The following HTT variants were observed in gnomAD, a reference collection of about 807,000 sequenced individuals.
HTT encodes the protein huntington disease protein.
In HTT, 104 loss-of-function variants were observed where a neutral mutation model predicts 362.3. The observed-to-expected ratio is 0.29, with a 90% confidence interval of 0.24 to 0.34. The LOEUF (loss-of-function observed/expected upper bound fraction) is 0.34, where lower values mean the gene tolerates loss of function less well. HTT is among the 10% of genes least tolerant of loss of function. The pLI is 1.00. For missense variants in HTT, 3,301 were observed against 3,928.6 expected (o/e 0.84, Z 4.27); for synonymous variants, 1,577 against 1,548.7 (o/e 1.02, Z -0.43).
At chr4:3,168,379 A>T (rs1352717754) in intron 29 of HTT, among the ~76,000 whole-genome samples, 1 of 152,222 alleles carries the variant, frequency 6.6e-6, no homozygotes, top group Non-Finnish European at 1.5e-5. Context: ...GACGGGTATG[A>T]GCAGGTTTTC....
At chr4:3,080,315 G>A (rs1196293686) in intron 1 of HTT, among the ~76,000 whole-genome samples, 4 of 151,554 alleles carry the variant, frequency 2.6e-5, no homozygotes, top group Admixed American at 2.6e-4. Flanking sequence ...GGCTGGTCTC[G>A]AACTTCTGAC....
chr4:3,127,958 C>T (rs1715601993), intron 12 of HTT, among the ~76,000 whole-genome samples: 1 of 151,134 alleles, frequency 6.6e-6, no homozygotes, highest in Admixed American at 6.6e-5. Context: ...AGCAAGACTC[C>T]ATTTCAAAAA....
intron 8 of HTT, among the ~76,000 whole-genome samples, chr4:3,117,183 T>C (rs956042480): frequency 6.6e-6 from 1 of 152,226 alleles, no homozygotes; most frequent in African/African-American, 2.4e-5. Flanking sequence ...TCCAACCAGC[T>C]GCCCTTTGGT....
intron 33 of HTT, among the ~76,000 whole-genome samples, chr4:3,176,035 G>GTTTTT (rs10690454): frequency 7.1e-6 from 1 of 141,116 alleles, no homozygotes; most frequent in Non-Finnish European, 1.5e-5. Flanking sequence ...GTTTTTTTTT[G>GTTTTT]TTTTTTTTTT....
chr4:3,084,082 G>A (rs1182818133), intron 1 of HTT, among the ~76,000 whole-genome samples: 1 of 152,154 alleles, frequency 6.6e-6, no homozygotes, highest in Non-Finnish European at 1.5e-5. Flanking sequence ...GGTTGCCTGG[G>A]GTTAGAGATG....
chr4:3,142,744 G>T, intron 22 of HTT, 22 bp from the exon 23 acceptor site: 3 of 1,248,216 alleles, frequency 2.4e-6, no homozygotes, highest in Non-Finnish European at 2.3e-6. Context: ...TGTATTTTAA[G>T]TCTCTATATT....
At chr4:3,107,727 G>T (rs1256199536) in intron 6 of HTT, among the ~76,000 whole-genome samples, 1 of 152,208 alleles carries the variant, frequency 6.6e-6, no homozygotes, top group Non-Finnish European at 1.5e-5. Flanking sequence ...CTAGCTGCGG[G>T]AAGATGACTG....
chr4:3,227,954 G>A (rs1720998793), intron 57 of HTT, among the ~76,000 whole-genome samples: 2 of 152,202 alleles, frequency 1.3e-5, no homozygotes. Flanking sequence ...CTTGGCCTGA[G>A]AGCTGTTCAT....
chr4:3,117,679 A>G (rs1715098698), intron 8 of HTT, among the ~76,000 whole-genome samples: 1 of 152,120 alleles, frequency 6.6e-6, no homozygotes, highest in African/African-American at 2.4e-5. Context: ...TCTTAAAGAA[A>G]AAAATCAGCC....
In HTT at chr4:3,238,571, C is replaced by T; in HGVS notation, c.9016C>T (p.Gln3006Ter). 6.2e-7 allele frequency: 1 copy of T among 1,612,486 alleles called. No homozygotes were observed. The highest frequency in any genetic ancestry group is 8.5e-7 in the Non-Finnish European group (1 of 1,179,234). Residue 3006 changes from glutamine to a stop codon, truncating the protein, a stop_gained, in exon 65 of 67, where the codon CAG becomes TAG. Coordinates refer to ENST00000355072, the MANE Select transcript of HTT (RefSeq NM_001388492.1). LOFTEE classifies it high-confidence loss of function. ...KVIGEFLSNQ[Q>*]PYPQFMATVV... ...CATCGGAGAGTTTCTGTCCAACCAG[C>T]AGCCATACCCCCAGTTCATGGCCAC...
chr4:3,210,145 G>A (rs1310105418), intron 47 of HTT, among the ~76,000 whole-genome samples, 196 bp downstream of exon 47: 1 of 152,134 alleles, frequency 6.6e-6, no homozygotes, highest in Non-Finnish European at 1.5e-5. Flanking sequence ...AGATGGGGTC[G>A]GGACATGGGG....
In HTT at chr4:3,136,244, C is replaced by A. The variant is rs1331221657; in HGVS notation, c.2716C>A (p.Arg906=). ...TCTAAAGCTTTTAAAACTGCAAGAACGAGTGCTCAATAATGTTGTCATCCA... is the reference window on the plus strand; with the variant it reads ...TCTAAAGCTTTTAAAACTGCAAGAAAGAGTGCTCAATAATGTTGTCATCCA... ...HYTGLLKLQE[R]VLNNVVIHLL... is the part of the protein sequence containing the mutation. Residue 906 remains arginine, a synonymous_variant, in exon 21 of 67, where the codon CGA becomes AGA. Transcript: ENST00000355072. 2 of 1,609,564 alleles carry A rather than the reference C, an allele frequency of 1.2e-6. No individual in the cohort carries two copies. The highest frequency in any genetic ancestry group is 3.3e-4 in the Middle Eastern group (2 of 6,044).
intron 8 of HTT, among the ~76,000 whole-genome samples, chr4:3,118,667 G>C (rs1247300344): frequency 6.6e-6 from 1 of 152,154 alleles, no homozygotes; most frequent in African/African-American, 2.4e-5. Context: ...TGAACAGATC[G>C]AAACTGTGTT....
At chr4:3,188,192 G>A (rs1718855853) in intron 39 of HTT, 1 of 246,022 alleles carries the variant, frequency 4.1e-6, no homozygotes, top group Non-Finnish European at 7.9e-6. Context: ...GCACGCTGAC[G>A]TCAGGGAAGT....
chr4:3,229,386 C>T (rs1044150501), intron 59 of HTT, among the ~76,000 whole-genome samples: 4 of 149,332 alleles, frequency 2.7e-5, no homozygotes, highest in African/African-American at 1.0e-4. Context: ...GCCACGTGCA[C>T]ACACCCCACA....
At position 3,147,086 on chromosome 4, in the gene HTT, A is replaced by G. The variant is rs899156813; in HGVS notation, c.3295+138A>G. The G allele has an allele frequency of 3.5e-6, 3 of 862,620 alleles. No homozygotes were observed. The Admixed American group carries it at 5.5e-5, about 16-fold the overall frequency. The allele number at this position is 862,620 out of a possible 1,614,324, so 53.4% of individuals were successfully genotyped here. On this transcript the variant is annotated intron_variant, in intron 25 of 66. Transcript: ENST00000355072. ...TGGCTTGTCCCTTTAGTCAAATTTCAGATGTTACCTATATGCATAAACACA... is the reference window on the plus strand; with the variant it reads ...TGGCTTGTCCCTTTAGTCAAATTTCGGATGTTACCTATATGCATAAACACA...
At position 3,118,444 on chromosome 4, in the gene HTT, C is replaced by T. The variant is rs564010556; in HGVS notation, c.1068+2181C>T. 1.6e-4 allele frequency among the ~76,000 whole-genome samples: 25 copies of T among 152,164 alleles called. No individual in the cohort carries two copies. In the South Asian group the frequency reaches 3.3e-3, roughly 20 times the overall value. ...AGTCATGAGCCGTCACTTATGGGCA[C>T]GTGGAATCTGACCCGGCACAGAGTT... is the stretch of plus-strand genomic sequence containing the variant. On this transcript the variant is annotated intron_variant, in intron 8 of 66. Transcript: ENST00000355072.
intron 28 of HTT, among the ~76,000 whole-genome samples, chr4:3,157,725 GC>G (rs988813802): frequency 1.3e-5 from 2 of 152,126 alleles, no homozygotes; most frequent in Non-Finnish European, 2.9e-5. Context: ...CCAAGAGCCA[GC>G]CTTTCTGTCT....
chr4:3,104,571 G>C (rs1261031798), intron 4 of HTT, among the ~76,000 whole-genome samples: 1 of 152,052 alleles, frequency 6.6e-6, no homozygotes, highest in Non-Finnish European at 1.5e-5. Flanking sequence ...TCACGCCACT[G>C]CATTCCAGCC....
Sources: allele counts gnomAD v4.1 joint callset (sites outside exome capture counted in the v4.1 genomes callset), GRCh38; gene constraint gnomAD v4.1.1; transcripts MANE v1.5; gene names NCBI Gene and HGNC (gene_info 2026-07-23, HGNC 2026-07-21).